Variants in PNPLA7 observed in about 807,000 individuals in gnomAD.
PNPLA7 encodes the protein patatin like domain 7, lysophospholipase.
In PNPLA7, 153 loss-of-function variants were observed where a neutral mutation model predicts 161.7. The ratio of observed to expected loss-of-function variants is 0.95; its 90% CI spans 0.83 to 1.08. PNPLA7 has a LOEUF of 1.08. Among genes scored for constraint, PNPLA7 ranks in the 50% least tolerant of loss-of-function variants. The pLI is 0.00. For missense variants in PNPLA7, 1,739 were observed against 1,856.6 expected (o/e 0.94, Z 1.16); for synonymous variants, 809 against 782.1 (o/e 1.03, Z -0.57).
In PNPLA7 at chr9:137,500,732, C is replaced by A. The variant is rs1317238291; in HGVS notation, c.1716G>T (p.Arg572Ser). ...EPLIFTVKAN[R>S]DCSFLSISKA... Reference sequence around the variant, plus strand: ...TGGAGATGGACAGGAAGCTGCAGTCCCTGTTGGCCTTGACGGTGAAGATGA... The same window carrying A: ...TGGAGATGGACAGGAAGCTGCAGTCACTGTTGGCCTTGACGGTGAAGATGA... The change falls in exon 16 of 35, where the codon AGG becomes AGT. Residue 572 changes from arginine (R) to serine (S), a missense_variant. Physicochemically the swap from Arg to Ser is moderately radical, Grantham distance 110 (BLOSUM62 -1). Coordinates refer to ENST00000406427, the MANE Select transcript of PNPLA7 (RefSeq NM_001098537.3). This position sits in a 1 kb window ranked among gnomAD's most constrained non-coding sequence, Gnocchi z 5.5. 2 of 1,612,496 alleles carry A rather than the reference C, an allele frequency of 1.2e-6. No homozygotes were observed. Among genetic ancestry groups the A allele is most frequent in the Admixed American group, 1.7e-5 (1 of 60,008 alleles).
rs950665861 is a variant in PNPLA7, at chr9:137,493,044, G to A, written c.2166C>T (p.Ile722=). The A allele has an allele frequency of 6.2e-7, 1 of 1,613,766 alleles. No homozygotes were observed. Among genetic ancestry groups the A allele is most frequent in the African/African-American group, 1.3e-5 (1 of 74,912 alleles). Residue 722 remains isoleucine (I), a synonymous_variant, in exon 20 of 35, where the codon ATC becomes ATT. Transcript: ENST00000406427. ...TRLIHLLGEK[I]LGSLQQGPVT... The stretch of plus-strand genomic sequence containing the variant: ...CAGGTCCCTGCTGGAGGCTGCCCAG[G>A]ATCTTCTCACCCAAGAGATGAATCA...
chr9:137,462,070 A>T (rs1285828235), intron 31 of PNPLA7, 29 bp from the exon 32 acceptor site: 4 of 1,539,548 alleles, frequency 2.6e-6, no homozygotes, highest in Non-Finnish European at 3.5e-6. Flanking sequence ...CCCCGTCAGG[A>T]GGTGTGGGGA....
intron 8 of PNPLA7, among the ~76,000 whole-genome samples, chr9:137,525,718 G>A (rs1588682285): frequency 6.7e-6 from 1 of 149,032 alleles, no homozygotes; most frequent in African/African-American, 2.5e-5. Flanking sequence ...ACAGGGAGAC[G>A]TTTAGGCCTC....
Position 137,506,055 on chromosome 9 carries a change from C to A in PNPLA7, c.1254G>T (p.Leu418=), listed in dbSNP as rs1833904017. Residue 418 remains leucine (L), a synonymous_variant, in exon 13 of 35, where the codon CTG becomes CTT. Coordinates refer to ENST00000406427, the MANE Select transcript of PNPLA7 (RefSeq NM_001098537.3). ...QGGPGSATSD[L]GMACDRARVF... ...CCCTGGCACGGTCACATGCCATCCC[C>A]AGATCAGAAGTGGCACTGCCTGGGC... 6.2e-7 allele frequency: 1 copy of A among 1,612,972 alleles called. No individual in the cohort carries two copies. Among genetic ancestry groups the A allele is most frequent in the African/African-American group, 1.3e-5 (1 of 74,906 alleles).
chr9:137,488,876 C>T (rs980949288), intron 20 of PNPLA7, among the ~76,000 whole-genome samples: 4 of 148,460 alleles, frequency 2.7e-5, no homozygotes, highest in African/African-American at 7.5e-5. Flanking sequence ...CTGTGTACCC[C>T]CTAACCAGCA....
chr9:137,525,687 T>C (rs2132514810), intron 8 of PNPLA7, among the ~76,000 whole-genome samples: 2 of 150,260 alleles, frequency 1.3e-5, no homozygotes, highest in Admixed American at 1.3e-4. Flanking sequence ...ACCAGGAGCG[T>C]GACCGCTGAA....
At chr9:137,477,649 T>C (rs1832002136) in intron 25 of PNPLA7, among the ~76,000 whole-genome samples, 1 of 152,224 alleles carries the variant, frequency 6.6e-6, no homozygotes, top group Non-Finnish European at 1.5e-5. Context: ...TTCGCCACGT[T>C]GGCCAGGATG....
intron 16 of PNPLA7, 63 bp from the exon 17 acceptor site, chr9:137,498,308 G>A (rs1055711489): frequency 2.8e-5 from 45 of 1,587,594 alleles, no homozygotes; most frequent in Middle Eastern, 1.7e-4. Flanking sequence ...GCCCAGGGCC[G>A]CAGTGCTCGG....
Position 137,499,046 on chromosome 9 carries a change from G to A in PNPLA7, c.1758-801C>T, listed in dbSNP as rs1588609506. On this transcript the variant is annotated intron_variant, in intron 16 of 34. Transcript: ENST00000406427. The surrounding 1 kb of genome is among the most constrained non-coding windows in gnomAD (Gnocchi z 5.5). ...GTGAGCGTGGCACTTAGAGCCCTGG[G>A]GGTGGAGGAGGAGCCCTGGGATGCT... 2.6e-5 allele frequency among the ~76,000 whole-genome samples: 4 copies of A among 152,092 alleles called. No homozygotes were observed. Among genetic ancestry groups the A allele is most frequent in the Admixed American group, 2.6e-4 (4 of 15,286 alleles).
chr9:137,461,063 G>C (rs1831164805), intron 33 of PNPLA7: 2 of 372,928 alleles, frequency 5.4e-6, no homozygotes, highest in African/African-American at 4.1e-5. Context: ...CCTTGCCCAG[G>C]GCCCTCTCGG....
chr9:137,495,252 C>T lies in PNPLA7; in HGVS notation c.2014-106G>A, dbSNP rs528397603. 4.2e-6 allele frequency: 3 copies of T among 719,210 alleles called. No individual in the cohort carries two copies. The South Asian group carries it at 5.4e-5, about 13-fold the overall frequency. 44.6% of individuals were successfully genotyped at this position (719,210 alleles called of 1,614,324 possible). On this transcript the variant is annotated intron_variant, in intron 18 of 34. Transcript: ENST00000406427. ...CCTGCCAGAGCCACACATGACACCC[C>T]ATCCACACCGCAAGGCGGAGGCAGT...
At chr9:137,494,591 T>C (rs1039079303) in intron 19 of PNPLA7, among the ~76,000 whole-genome samples, 17 of 151,102 alleles carry the variant, frequency 1.1e-4, no homozygotes, top group Non-Finnish European at 2.5e-4. Flanking sequence ...CTCCGCACCC[T>C]CACCTGCGCC....
At position 137,463,537 on chromosome 9, in the gene PNPLA7, G is replaced by A. The variant is rs770967854; in HGVS notation, c.3227-6C>T. 6.4e-7 allele frequency: 1 copy of A among 1,568,678 alleles called. No homozygotes were observed. The highest frequency in any genetic ancestry group is 1.9e-5 in the Admixed American group (1 of 53,452). ...CACGTACCACCACAGGGAGCCTGGGGAGGGGGCCCGGAGCTGCTGGTTACC... is the reference window on the plus strand; with the variant it reads ...CACGTACCACCACAGGGAGCCTGGGAAGGGGGCCCGGAGCTGCTGGTTACC... On this transcript the variant is annotated splice_polypyrimidine_tract_variant and splice_region_variant and intron_variant, in intron 28 of 34. Transcript: ENST00000406427.
intron 8 of PNPLA7, among the ~76,000 whole-genome samples, chr9:137,528,250 CTCTTTAT>C (rs1835398997): frequency 6.6e-6 from 1 of 152,080 alleles, no homozygotes; most frequent in Non-Finnish European, 1.5e-5. Context: ...TGGATTCCTG[CTCTTTAT>C]TAGTTTCTTC....
In PNPLA7 at chr9:137,547,257, A is replaced by T; in HGVS notation, c.193+52T>A. The T allele has an allele frequency of 9.7e-6, 15 of 1,547,180 alleles. No individual in the cohort carries two copies. Among genetic ancestry groups the T allele is most frequent in the Non-Finnish European group, 1.3e-5 (15 of 1,120,694 alleles). On this transcript the variant is annotated intron_variant, in intron 3 of 34. Coordinates refer to ENST00000406427, the MANE Select transcript of PNPLA7 (RefSeq NM_001098537.3). This position sits in a 1 kb window ranked among gnomAD's most constrained non-coding sequence, Gnocchi z 4.6. ...AGGGGCTCAAAACACATCCCAAGAC[A>T]CCCACGCTTTCCCCCAACCCCCCGG...
chr9:137,534,899 G>A (rs821305), intron 8 of PNPLA7, among the ~76,000 whole-genome samples: 3 of 137,020 alleles, frequency 2.2e-5, no homozygotes, highest in Middle Eastern at 3.8e-3. Context: ...CAAGTCCCTC[G>A]AACCGCGCGT....
At chr9:137,546,963 C>T in intron 3 of PNPLA7, 54 bp from the exon 4 acceptor site, 2 of 1,548,268 alleles carry the variant, frequency 1.3e-6, no homozygotes, top group Non-Finnish European at 1.8e-6. Flanking sequence ...AGGCCTGGTC[C>T]TGGACATGCA....
chr9:137,522,992 G>C, intron 8 of PNPLA7, 135 bp from the exon 9 acceptor site: 1 of 1,308,942 alleles, frequency 7.6e-7, no homozygotes, highest in South Asian at 1.4e-5. Flanking sequence ...TCCCAGGCTG[G>C]GCTGTGCAAA....
At chr9:137,461,332 C>A in intron 33 of PNPLA7, 1 of 531,002 alleles carries the variant, frequency 1.9e-6, no homozygotes, top group South Asian at 2.7e-5. Context: ...GCTGGGTGAC[C>A]CGGGGTGGTC....
Sources: allele counts gnomAD v4.1 joint callset (sites outside exome capture counted in the v4.1 genomes callset), GRCh38; gene constraint gnomAD v4.1.1; non-coding constraint Gnocchi (gnomAD v3.1); transcripts MANE v1.5; gene names NCBI Gene and HGNC (gene_info 2026-07-23, HGNC 2026-07-21).